POLR1B: variants seen among roughly 807,000 people sequenced by gnomAD.
POLR1B encodes RNA polymerase I subunit B.
Under a neutral mutation model 105.8 loss-of-function variants are expected in POLR1B, and 30 were observed. That is an observed-to-expected ratio of 0.28 (90% CI 0.21 to 0.38). POLR1B has a LOEUF of 0.38. POLR1B is among the 10% of genes least tolerant of loss of function. The pLI is 1.00. For synonymous variants in POLR1B, 485 were observed against 505.1 expected (o/e 0.96, Z 0.53); for missense variants, 976 against 1,435.8 (o/e 0.68, Z 5.17).
At position 112,576,280 on chromosome 2, in the gene POLR1B, C is replaced by T. The variant is rs1228330129; in HGVS notation, c.*551C>T. The T allele has an allele frequency of 6.6e-6, 1 of 152,318 alleles. No homozygotes were observed. Among genetic ancestry groups the T allele is most frequent in the Non-Finnish European group, 1.5e-5 (1 of 68,164 alleles). 9.4% of individuals were successfully genotyped at this position (152,318 alleles called of 1,614,324 possible). ...CCATCACCACAATCAGGGTAATAAA[C>T]ATACCTGTCATCTCCACAAGTTTCC... On this transcript the variant is annotated 3_prime_UTR_variant, in exon 15 of 15. Coordinates refer to ENST00000263331, the MANE Select transcript of POLR1B (RefSeq NM_019014.6).
At chr2:112,563,556 T>C (rs780298889) in intron 9 of POLR1B, among the ~76,000 whole-genome samples, 5 of 152,184 alleles carry the variant, frequency 3.3e-5, no homozygotes, top group Non-Finnish European at 5.9e-5. Flanking sequence ...TTTATTGTCA[T>C]TTCAACAATG....
intron 9 of POLR1B, among the ~76,000 whole-genome samples, chr2:112,560,896 A>G (rs145248801): frequency 6.6e-6 from 1 of 152,098 alleles, no homozygotes; most frequent in African/African-American, 2.4e-5. Context: ...ATCTCTACTA[A>G]ATATACACAC....
chr2:112,560,085 A>G (rs1013140208), intron 9 of POLR1B, among the ~76,000 whole-genome samples: 3 of 152,004 alleles, frequency 2.0e-5, no homozygotes, highest in African/African-American at 7.3e-5. Flanking sequence ...AAGTGAAAAC[A>G]GGAGAAACTA....
At chr2:112,550,451 C>T (rs552727283) in intron 4 of POLR1B, among the ~76,000 whole-genome samples, 2 of 152,342 alleles carry the variant, frequency 1.3e-5, no homozygotes, top group South Asian at 4.1e-4. Flanking sequence ...TTTTCTTTTG[C>T]ATCAGTTGAT....
At chr2:112,568,962 C>G in intron 12 of POLR1B, 60 bp downstream of exon 12, 8 of 1,491,532 alleles carry the variant, frequency 5.4e-6, no homozygotes, top group Non-Finnish European at 6.4e-6. Flanking sequence ...TACTAGCACA[C>G]TCTTTTATTG....
chr2:112,573,305 G>A (rs554828705), intron 13 of POLR1B, among the ~76,000 whole-genome samples: 1 of 152,322 alleles, frequency 6.6e-6, no homozygotes, highest in East Asian at 1.9e-4. Flanking sequence ...GTTTCACCAT[G>A]TTGGCCAGGC....
chr2:112,575,525 T>G lies in POLR1B; in HGVS notation c.3204T>G (p.His1068Gln), dbSNP rs201861131. The change falls in exon 15 of 15, where the codon CAT becomes CAG. Residue 1068 changes from histidine to glutamine, a missense_variant. This residue lies in a region of POLR1B where 77 missense variants were observed against 104.5 expected (regional missense o/e 0.74). Transcript: ENST00000263331. This position sits in a 1 kb window ranked among gnomAD's most constrained non-coding sequence, Gnocchi z 5.3. ...LFNCSDRSVA[H>Q]VCVKCGSLLS... ...ACTGCTCAGATCGGTCGGTAGCCCA[T>G]GTGTGTGTGAAGTGTGGCAGTTTAC... The G allele has an allele frequency of 5.6e-6, 9 of 1,614,012 alleles. No homozygotes were observed. Among genetic ancestry groups the G allele is most frequent in the Middle Eastern group, 1.6e-4 (1 of 6,082 alleles).
intron 4 of POLR1B, among the ~76,000 whole-genome samples, chr2:112,550,193 A>G (rs1683293320): frequency 1.3e-5 from 2 of 152,236 alleles, no homozygotes; most frequent in South Asian, 2.1e-4. Context: ...TGGCTTGGCC[A>G]TAGGTGAATG....
chr2:112,542,056 C>T, upstream of POLR1B: 1 of 1,510,670 alleles, frequency 6.6e-7, no homozygotes, highest in African/African-American at 1.4e-5. Flanking sequence ...GGATGACTCC[C>T]CAGGGTCGGC....
At chr2:112,554,765 G>GTA (rs1254890445) in intron 7 of POLR1B, among the ~76,000 whole-genome samples, 3 of 152,224 alleles carry the variant, frequency 2.0e-5, no homozygotes, top group African/African-American at 7.2e-5. Context: ...GAGACCAGGA[G>GTA]TACAGTGGCT....
At chr2:112,571,941 T>G (rs928277143) in intron 12 of POLR1B, among the ~76,000 whole-genome samples, 2 of 152,184 alleles carry the variant, frequency 1.3e-5, no homozygotes, top group African/African-American at 2.4e-5. Context: ...CTCATACTTA[T>G]GTGTTGAGGG....
At chr2:112,545,578 C>T (rs3860388) in intron 1 of POLR1B, among the ~76,000 whole-genome samples, 121,224 of 152,004 alleles carry the variant, frequency 0.8, 48,520 homozygotes, top group Middle Eastern at 0.88. Flanking sequence ...ACTGTATTTC[C>T]TTCTAAATAG....
At chr2:112,552,212 A>G (rs947471705) in intron 6 of POLR1B, among the ~76,000 whole-genome samples, 1 of 152,100 alleles carries the variant, frequency 6.6e-6, no homozygotes, top group Admixed American at 6.6e-5. Flanking sequence ...AGTACTTTTT[A>G]ACTTTTATTT....
chr2:112,546,008 T>C (rs1221335660), intron 1 of POLR1B: 1 of 159,356 alleles, frequency 6.3e-6, no homozygotes, highest in African/African-American at 2.4e-5. Flanking sequence ...TTTTAAAATT[T>C]AGAAAAGGTA....
chr2:112,562,305 A>G (rs1684029062), intron 9 of POLR1B, among the ~76,000 whole-genome samples: 1 of 152,194 alleles, frequency 6.6e-6, no homozygotes, highest in Non-Finnish European at 1.5e-5. Context: ...TAATGCATTT[A>G]GGTGGCTTAG....
rs1682811091 is a variant in POLR1B, at chr2:112,542,545, G to A, written c.51G>A (p.Lys17=). 1 of 1,614,080 alleles carries A rather than the reference G, an allele frequency of 6.2e-7. No homozygotes were observed. The highest frequency in any genetic ancestry group is 1.3e-5 in the African/African-American group (1 of 74,952). ...WRNLPSGPSL[K]HLTDPSYGIP... ...ACCTGCCCAGCGGGCCTAGCCTAAA[G>A]CACTTGACTGACCCCTCTTATGGAA... Residue 17 remains lysine (K), a synonymous_variant, in exon 1 of 15, where the codon AAG becomes AAA. Transcript: ENST00000263331.
In POLR1B at chr2:112,577,136, TG is replaced by T. The variant is rs1432270369; in HGVS notation, c.*1408del. 3 of 152,378 alleles carry T rather than the reference TG, an allele frequency of 2.0e-5. No homozygotes were observed. The highest frequency in any genetic ancestry group is 1.9e-4 in the East Asian group (1 of 5,188). The allele number at this position is 152,378 out of a possible 1,614,324, so 9.4% of individuals were successfully genotyped here. On this transcript the variant is annotated 3_prime_UTR_variant, in exon 15 of 15. Coordinates refer to ENST00000263331, the MANE Select transcript of POLR1B (RefSeq NM_019014.6). Reference sequence around the variant, plus strand: ...TGTATATACTTCTGCAATTATAAGATGTTTTTTGATGATGAAAGCTTTCCTA... The same window carrying T: ...TGTATATACTTCTGCAATTATAAGATTTTTTTGATGATGAAAGCTTTCCTA...
At chr2:112,568,651 C>T (rs1352643960) in intron 11 of POLR1B, 95 bp from the exon 12 acceptor site, 7 of 1,415,580 alleles carry the variant, frequency 4.9e-6, no homozygotes, top group Non-Finnish European at 6.8e-6. Flanking sequence ...GGATGGTTTT[C>T]TCTTGAGTCT....
At chr2:112,565,109 A>G (rs1684206616) in intron 10 of POLR1B, among the ~76,000 whole-genome samples, 1 of 152,170 alleles carries the variant, frequency 6.6e-6, no homozygotes, top group Admixed American at 6.5e-5. Context: ...GGTTGTTTCT[A>G]CCTTTTGGTC....
Sources: allele counts gnomAD v4.1 joint callset (sites outside exome capture counted in the v4.1 genomes callset), GRCh38; gene constraint gnomAD v4.1.1; regional missense constraint gnomAD v4.1.1; non-coding constraint Gnocchi (gnomAD v3.1); transcripts MANE v1.5; gene names NCBI Gene and HGNC (gene_info 2026-07-23, HGNC 2026-07-21).